The following SLCO3A1 variants were observed in gnomAD, a reference collection of about 807,000 sequenced individuals.
The protein encoded by SLCO3A1 is PGE1 transporter.
A neutral mutation model predicts 63.1 loss-of-function variants in SLCO3A1; 27 were observed. That is an observed-to-expected ratio of 0.43 (90% confidence interval 0.32 to 0.59). The LOEUF is 0.59. SLCO3A1 is among the 20% of genes least tolerant of loss of function. The pLI, the probability that SLCO3A1 is intolerant of heterozygous loss-of-function variation, is 0.09. For missense variants in SLCO3A1, 773 were observed against 945.8 expected (o/e 0.82, Z 2.40); for synonymous variants, 473 against 409.9 (o/e 1.15, Z -1.86).
At chr15:91,922,196 G>GCACACACA (rs71156620) in intron 2 of SLCO3A1, among the ~76,000 whole-genome samples, 3,599 of 151,316 alleles carry the variant, frequency 0.024, 40 homozygotes, top group Non-Finnish European at 0.028. Flanking sequence ...GCGCGTGCAC[G>GCACACACA]CACACACACA....
chr15:92,126,915 G>A (rs192746965), intron 6 of SLCO3A1, among the ~76,000 whole-genome samples: 13 of 152,332 alleles, frequency 8.5e-5, no homozygotes, highest in Non-Finnish European at 1.6e-4. Context: ...CCAGCCTGGA[G>A]CATCGAGGCT....
chr15:91,974,516 G>A (rs893139391), intron 2 of SLCO3A1, among the ~76,000 whole-genome samples: 3 of 152,078 alleles, frequency 2.0e-5, no homozygotes, highest in East Asian at 1.9e-4. Flanking sequence ...AGAAGGTGAA[G>A]GGAGAGTCCA....
At chr15:91,884,511 C>CAAAAAAA (rs776448274) in intron 1 of SLCO3A1, among the ~76,000 whole-genome samples, 1 of 102,332 alleles carries the variant, frequency 9.8e-6, no homozygotes, top group African/African-American at 3.9e-5. Flanking sequence ...GATTCTGTCT[C>CAAAAAAA]AAAAAAAAAA....
intron 1 of SLCO3A1, among the ~76,000 whole-genome samples, chr15:91,878,993 C>T (rs1266113031): frequency 6.6e-6 from 1 of 152,150 alleles, no homozygotes; most frequent in Non-Finnish European, 1.5e-5. Flanking sequence ...CTTATCTAGG[C>T]ATAATTACAA....
chr15:92,165,937 T>C (rs1192316828), downstream of SLCO3A1: 2 of 979,686 alleles, frequency 2.0e-6, no homozygotes, highest in African/African-American at 1.8e-5. Flanking sequence ...TACAAACTCC[T>C]ACACCATCTC....
At chr15:92,109,641 A>C (rs1472792469) in intron 4 of SLCO3A1, among the ~76,000 whole-genome samples, 4 of 152,190 alleles carry the variant, frequency 2.6e-5, no homozygotes, top group Admixed American at 2.0e-4. Flanking sequence ...CTGACTGCCA[A>C]GTGGTCTCTT....
At chr15:91,973,486 G>GA (rs1900963624) in intron 2 of SLCO3A1, among the ~76,000 whole-genome samples, 3 of 152,238 alleles carry the variant, frequency 2.0e-5, no homozygotes, top group Admixed American at 2.0e-4. Flanking sequence ...ACAGCAGGAA[G>GA]AAGGGGGGCT....
chr15:91,983,700 T>C (rs1490607035), intron 2 of SLCO3A1, among the ~76,000 whole-genome samples: 2 of 152,150 alleles, frequency 1.3e-5, no homozygotes, highest in African/African-American at 2.4e-5. Flanking sequence ...GTGTTTAAAA[T>C]GTGTGACAAA....
At chr15:92,104,988 G>A (rs1334855534) in intron 4 of SLCO3A1, among the ~76,000 whole-genome samples, 4 of 140,898 alleles carry the variant, frequency 2.8e-5, no homozygotes, top group Non-Finnish European at 6.2e-5. Flanking sequence ...CCCAGCCACC[G>A]CGCCCGGTGT....
At chr15:92,149,454 A>G (rs934183006) in intron 8 of SLCO3A1, 1 of 152,332 alleles carries the variant, frequency 6.6e-6, no homozygotes. Flanking sequence ...GAATGGACCC[A>G]CTGTCATGCC....
At position 92,037,634 on chromosome 15, in the gene SLCO3A1, A is replaced by G. The variant is rs141650471; in HGVS notation, c.647-57247A>G. Among the ~76,000 whole-genome samples the G allele has an allele frequency of 1.3e-3, 193 of 152,296 alleles. 1 individual carries two copies. The highest frequency in any genetic ancestry group is 4.6e-3 in the African/African-American group (192 of 41,554). The stretch of plus-strand genomic sequence containing the variant: ...TCTATAACACCAGGTTTGCATTACT[A>G]AAAAGCATGCTTTCACTTTATCGTC... On this transcript the variant is annotated intron_variant, in intron 2 of 9. Transcript: ENST00000318445.
At chr15:91,919,538 G>T (rs1324954214) in intron 2 of SLCO3A1, among the ~76,000 whole-genome samples, 4 of 152,258 alleles carry the variant, frequency 2.6e-5, no homozygotes, top group African/African-American at 4.8e-5. Context: ...CATGGGCGCA[G>T]TGGCAGTGGA....
chr15:91,857,953 A>G (rs1459131470), intron 1 of SLCO3A1, among the ~76,000 whole-genome samples: 1 of 152,168 alleles, frequency 6.6e-6, no homozygotes, highest in Non-Finnish European at 1.5e-5. Context: ...TTATAGAAAA[A>G]TAAGTTTGAG....
At position 91,916,451 on chromosome 15, in the gene SLCO3A1, C is replaced by G. The variant is rs1293126256; in HGVS notation, c.639C>G (p.Leu213=). The change falls in exon 2 of 10, where the codon CTC becomes CTG. Residue 213 remains leucine (L), a synonymous_variant. Transcript: ENST00000318445. The surrounding 1 kb of genome is among the most constrained non-coding windows in gnomAD (Gnocchi z 6.2). ...DDHVRRKDSS[L]YIGILFTMLV... Reference sequence around the variant, plus strand: ...ACGTGCGGAGGAAGGACTCCTCGCTCTATATAGGTAGGAGCTGCCCCAGCC... The same window carrying G: ...ACGTGCGGAGGAAGGACTCCTCGCTGTATATAGGTAGGAGCTGCCCCAGCC... 2.5e-6 allele frequency: 4 copies of G among 1,604,064 alleles called. No homozygotes were observed. The highest frequency in any genetic ancestry group is 1.3e-5 in the African/African-American group (1 of 74,676).
chr15:92,096,594 C>G (rs1473053210), intron 3 of SLCO3A1, among the ~76,000 whole-genome samples: 3 of 152,200 alleles, frequency 2.0e-5, no homozygotes, highest in Admixed American at 6.5e-5. Context: ...CTCTGCTTCT[C>G]ATGCCGATCT....
At chr15:92,085,915 C>T (rs985436375) in intron 2 of SLCO3A1, among the ~76,000 whole-genome samples, 6 of 152,232 alleles carry the variant, frequency 3.9e-5, no homozygotes, top group South Asian at 2.1e-4. Context: ...CACACCAGGA[C>T]GTGTTCTTTC....
In SLCO3A1 at chr15:91,950,231, C is replaced by A. The variant is rs989277340; in HGVS notation, c.646+33773C>A. Among the ~76,000 whole-genome samples the A allele has an allele frequency of 2.6e-5, 4 of 152,132 alleles. No individual in the cohort carries two copies. The highest frequency in any genetic ancestry group is 9.7e-5 in the African/African-American group (4 of 41,402). On this transcript the variant is annotated intron_variant, in intron 2 of 9. Coordinates refer to ENST00000318445, the MANE Select transcript of SLCO3A1 (RefSeq NM_013272.4). This position sits in a 1 kb window ranked among gnomAD's most constrained non-coding sequence, Gnocchi z 4.4. ...TGGTATGGAGTCTGCATGCTCAGGG[C>A]TGCCTGCTGTGGCCAGAGATTCGGG...
At chr15:92,132,187 C>T (rs1410377384) in intron 7 of SLCO3A1, among the ~76,000 whole-genome samples, 1 of 145,834 alleles carries the variant, frequency 6.9e-6, no homozygotes, top group Admixed American at 6.8e-5. Flanking sequence ...CGCCACTCAC[C>T]ACTTTATCGT....
chr15:91,934,268 A>G (rs1899330865), intron 2 of SLCO3A1, among the ~76,000 whole-genome samples: 1 of 152,174 alleles, frequency 6.6e-6, no homozygotes, highest in Non-Finnish European at 1.5e-5. Flanking sequence ...GACGTCAAGC[A>G]GTAAGCAAGC....
Sources: allele counts gnomAD v4.1 joint callset (sites outside exome capture counted in the v4.1 genomes callset), GRCh38; gene constraint gnomAD v4.1.1; non-coding constraint Gnocchi (gnomAD v3.1); transcripts MANE v1.5; gene names NCBI Gene and HGNC (gene_info 2026-07-23, HGNC 2026-07-21).